PLD1: variants seen among roughly 807,000 people sequenced by gnomAD.
The protein encoded by PLD1 is choline phosphatase 1.
PLD1 carries 112 observed loss-of-function variants against 137.1 expected under a neutral mutation model. The ratio of observed to expected loss-of-function variants is 0.82; its 90% CI spans 0.70 to 0.96. PLD1 has a LOEUF of 0.96. PLD1 is among the 40% of genes least tolerant of loss of function. PLD1 has a pLI of 0.00. For missense variants in PLD1, 1,321 were observed against 1,342.0 expected, an observed-to-expected ratio of 0.98 and a Z score of 0.24; for synonymous variants, 431 against 454.7, an observed-to-expected ratio of 0.95 and a Z score of 0.66.
rs749529106 is a variant in PLD1, at chr3:171,724,652, A to G, written c.758+44T>C. 25 of 1,083,030 alleles carry G rather than the reference A, an allele frequency of 2.3e-5. 1 individual carries two copies. Among genetic ancestry groups the G allele is most frequent in the Middle Eastern group, 4.0e-4 (2 of 5,058 alleles). 67.1% of individuals were successfully genotyped at this position (1,083,030 alleles called of 1,614,324 possible). On this transcript the variant is annotated intron_variant, in intron 8 of 26. Transcript: ENST00000351298. ...GTATGTAAAACTAGCCCAAATACCC[A>G]GTGTATTAAAACAAACAAATACACA...
At chr3:171,800,765 C>A (rs1297352700) in intron 1 of PLD1, among the ~76,000 whole-genome samples, 1 of 152,174 alleles carries the variant, frequency 6.6e-6, no homozygotes, top group African/African-American at 2.4e-5. Flanking sequence ...AAGGTGCTTG[C>A]AGATTTGGTG....
intron 1 of PLD1, among the ~76,000 whole-genome samples, chr3:171,778,940 C>T (rs1169914809): frequency 6.6e-6 from 1 of 152,184 alleles, no homozygotes; most frequent in Non-Finnish European, 1.5e-5. Flanking sequence ...GTAATCCCAG[C>T]ACTTTGGGAG....
intron 8 of PLD1, among the ~76,000 whole-genome samples, chr3:171,723,106 T>C (rs1367159432): frequency 6.6e-6 from 1 of 152,224 alleles, no homozygotes; most frequent in Non-Finnish European, 1.5e-5. Flanking sequence ...TTATCCTATT[T>C]GTTTGTATCC....
At chr3:171,676,596 G>C in intron 18 of PLD1, 119 bp downstream of exon 18, 1 of 771,202 alleles carries the variant, frequency 1.3e-6, no homozygotes, top group Non-Finnish European at 2.2e-6. Flanking sequence ...CAACAGCAGA[G>C]CAGTGACACA....
At chr3:171,637,723 T>C (rs940322584) in intron 23 of PLD1, among the ~76,000 whole-genome samples, 3 of 152,156 alleles carry the variant, frequency 2.0e-5, no homozygotes, top group African/African-American at 7.2e-5. Context: ...TATAGTCTAC[T>C]ACATACCCAG....
chr3:171,706,136 A>ATCTG (rs1560235576), intron 11 of PLD1, among the ~76,000 whole-genome samples: 2 of 151,778 alleles, frequency 1.3e-5, no homozygotes, highest in East Asian at 3.9e-4. Context: ...CTATCTATCT[A>ATCTG]TCTATCTATC....
Position 171,737,665 on chromosome 3 carries a change from A to T in PLD1, c.161-6T>A. Reference sequence around the variant, plus strand: ...AGCAGAGAAAGGGATATACACTAAAAAAAAAAGTAAATAAAGTTAATGCAA... The same window carrying T: ...AGCAGAGAAAGGGATATACACTAAATAAAAAAGTAAATAAAGTTAATGCAA... On this transcript the variant is annotated splice_polypyrimidine_tract_variant and splice_region_variant and intron_variant, in intron 2 of 26. Transcript: ENST00000351298. The T allele has an allele frequency of 6.6e-7, 1 of 1,512,352 alleles. No homozygotes were observed. The highest frequency in any genetic ancestry group is 9.0e-7 in the Non-Finnish European group (1 of 1,106,832). 93.7% of individuals were successfully genotyped at this position (1,512,352 alleles called of 1,614,324 possible). A position where few individuals can be genotyped will look rare whatever the true frequency, so the allele number is the denominator to read the frequency against.
At chr3:171,752,158 G>C (rs192775551) in intron 1 of PLD1, among the ~76,000 whole-genome samples, 1 of 152,278 alleles carries the variant, frequency 6.6e-6, no homozygotes, top group East Asian at 1.9e-4. Flanking sequence ...TCAATACAAA[G>C]TTTGGTGGGA....
At position 171,710,313 on chromosome 3, in the gene PLD1, G is replaced by A. The variant is rs895050795; in HGVS notation, c.912-604C>T. On this transcript the variant is annotated intron_variant, in intron 9 of 26. Transcript: ENST00000351298. ...CCTGACCTCGTGATCCGCCCGCCTC[G>A]GCCTCCCAAAGTTCTGGGATTACAG... Among the ~76,000 whole-genome samples, 18 of 151,956 alleles carry A rather than the reference G, an allele frequency of 1.2e-4. 1 individual carries two copies. Among genetic ancestry groups the A allele is most frequent in the Non-Finnish European group, 2.4e-4 (16 of 67,982 alleles).
chr3:171,777,961 T>C (rs1014347532), intron 1 of PLD1, among the ~76,000 whole-genome samples: 1 of 152,240 alleles, frequency 6.6e-6, no homozygotes, highest in African/African-American at 2.4e-5. Flanking sequence ...TCCAACTTAG[T>C]AATCAGTAAC....
In PLD1 at chr3:171,780,831, G is replaced by A. The variant is rs144411733; in HGVS notation, c.-32+29568C>T. Among the ~76,000 whole-genome samples, 463 of 152,202 alleles carry A rather than the reference G, an allele frequency of 3.0e-3. 3 individuals are homozygous for A. Among genetic ancestry groups the A allele is most frequent in the African/African-American group, 0.011 (445 of 41,498 alleles). ...AGAGAAATTAAAGACCTAAATAAGT[G>A]GATATACCGTGTTCACGGATTAAAA... On this transcript the variant is annotated intron_variant, in intron 1 of 26. Coordinates refer to ENST00000351298, the MANE Select transcript of PLD1 (RefSeq NM_002662.5).
At chr3:171,639,573 A>G (rs1227570767) in intron 23 of PLD1, among the ~76,000 whole-genome samples, 1 of 92,020 alleles carries the variant, frequency 1.1e-5, no homozygotes, top group Non-Finnish European at 2.0e-5. Flanking sequence ...TATTATATAT[A>G]ATATATATTC....
intron 25 of PLD1, among the ~76,000 whole-genome samples, chr3:171,606,453 C>G (rs1194408942): frequency 6.6e-6 from 1 of 152,040 alleles, no homozygotes; most frequent in Non-Finnish European, 1.5e-5. Flanking sequence ...TGCTCATAGG[C>G]TGAATGTTTT....
intron 1 of PLD1, among the ~76,000 whole-genome samples, chr3:171,762,181 G>A (rs1422489981): frequency 6.6e-6 from 1 of 152,202 alleles, no homozygotes; most frequent in Non-Finnish European, 1.5e-5. Context: ...AATGAATGAT[G>A]CAGTAACCAA....
intron 2 of PLD1, 59 bp from the exon 3 acceptor site, chr3:171,737,718 C>T (rs1560265563): frequency 4.4e-6 from 6 of 1,358,500 alleles, no homozygotes; most frequent in South Asian, 1.3e-5. Context: ...TTGTCTTTTA[C>T]AGGCATTCTT....
At chr3:171,757,794 C>A (rs1288066321) in intron 1 of PLD1, among the ~76,000 whole-genome samples, 1 of 152,210 alleles carries the variant, frequency 6.6e-6, no homozygotes, top group African/African-American at 2.4e-5. Flanking sequence ...CGCTCAAACA[C>A]AGGAACTAAA....
chr3:171,615,021 C>G (rs896634176), intron 24 of PLD1, among the ~76,000 whole-genome samples: 10 of 152,170 alleles, frequency 6.6e-5, no homozygotes, highest in Middle Eastern at 3.4e-3. Flanking sequence ...GTGTTGGCTG[C>G]TATTTAATAG....
At chr3:171,713,822 C>T in intron 9 of PLD1, 71 bp downstream of exon 9, 9 of 1,346,642 alleles carry the variant, frequency 6.7e-6, no homozygotes, top group Non-Finnish European at 9.5e-6. Context: ...TCCTTTTTTA[C>T]TTAAGGTTGA....
rs182114698 is a variant in PLD1, at chr3:171,639,081, T to C, written c.2593+3759A>G. On this transcript the variant is annotated intron_variant, in intron 23 of 26. Transcript: ENST00000351298. ...CTTTCCTGGGTATCCAGCTTGCAGA[T>C]TGTGGAAATTCTCAGCCTCCGTAAT... is the stretch of plus-strand genomic sequence containing the variant. Among the ~76,000 whole-genome samples, 809 of 151,470 alleles carry C rather than the reference T, an allele frequency of 5.3e-3. 4 individuals are homozygous for C. Among genetic ancestry groups the C allele is most frequent in the African/African-American group, 0.017 (707 of 41,304 alleles).
Sources: gnomAD v4.1 joint callset for allele counts (sites outside exome capture counted in the v4.1 genomes callset) on GRCh38, gnomAD v4.1.1 for gene constraint, MANE v1.5 for transcripts, NCBI Gene and HGNC (gene_info 2026-07-23, HGNC 2026-07-21) for gene names.